The following DDX5 variants were observed in gnomAD, a reference collection of about 807,000 sequenced individuals.
DDX5 encodes the protein DEAD-box helicase 5.
Under a neutral mutation model 68.6 loss-of-function variants are expected in DDX5, and 6 were observed. The observed-to-expected ratio is 0.09, with a 90% CI of 0.05 to 0.17. The LOEUF (loss-of-function observed/expected upper bound fraction) is 0.17. Among genes scored for constraint, DDX5 ranks in the 10% least tolerant of loss-of-function variants. The pLI, the probability that DDX5 is intolerant of heterozygous loss-of-function variation, is 1.00. For synonymous variants in DDX5, 350 were observed against 247.0 expected, an observed-to-expected ratio of 1.42 and a Z score of -3.91; for missense variants, 499 against 756.1, an observed-to-expected ratio of 0.66 and a Z score of 3.99.
intron 1 of DDX5, chr17:64,505,707 T>C: frequency 6.5e-7 from 1 of 1,531,658 alleles, no homozygotes; most frequent in South Asian, 1.2e-5. Context: ...TCCCACAGAA[T>C]GCCCGGCCAC....
upstream of DDX5, chr17:64,506,475 A>G (rs2038532032): frequency 8.8e-7 from 1 of 1,133,482 alleles, no homozygotes; most frequent in Non-Finnish European, 1.2e-6. Context: ...GGGCCCACCC[A>G]CCATTGGAAT....
At position 64,504,251 on chromosome 17, in the gene DDX5, A is replaced by G. The variant is rs1555671678; in HGVS notation, c.278T>C (p.Val93Ala). ...GAAATTGGCTTCATAAAAATTTAGA[A>G]CTGGCTTCGGGCAGTTGTGACCTCT... Reference protein sequence around the residue: ...TVRGHNCPKPVLNFYEANFPA... With the variant: ...TVRGHNCPKPALNFYEANFPA... The change falls in exon 3 of 13, where the codon GTT (valine) becomes GCT (alanine). Residue 93 changes from valine (V) to alanine (A), a missense_variant. Around this residue, in one of 5 missense-constraint regions of DDX5, gnomAD observed 140 missense variants for 135.7 expected, o/e 1.03. Transcript: ENST00000225792. 1 of 1,614,124 alleles carries G rather than the reference A, an allele frequency of 6.2e-7. No homozygotes were observed. Among genetic ancestry groups the G allele is most frequent in the Admixed American group, 1.7e-5 (1 of 60,026 alleles).
At chr17:64,503,633 T>C (rs1411968066) in intron 5 of DDX5, 62 bp from the exon 6 acceptor site, 4 of 1,594,104 alleles carry the variant, frequency 2.5e-6, no homozygotes, top group Middle Eastern at 1.7e-4. Context: ...TGCTAACTTA[T>C]TATACTAGCA....
intron 3 of DDX5, 30 bp from the exon 4 acceptor site, chr17:64,504,146 A>G (rs782084601): frequency 6.2e-7 from 1 of 1,613,724 alleles, no homozygotes; most frequent in Non-Finnish European, 8.5e-7. Context: ...TTTAGTAAAA[A>G]TTAGTGATGC....
At position 64,503,550 on chromosome 17, in the gene DDX5, G is replaced by T. The variant is rs781911257; in HGVS notation, c.529C>A (p.Arg177=). ...GPICLVLAPT[R]ELAQQVQQVA... ...TGCTGCACCTGTTGGGCCAGTTCCC[G>T]AGTTGGTGCCAGCACCAAACACTAA... Residue 177 remains arginine (R), a synonymous_variant, in exon 6 of 13, where the codon CGG becomes AGG. Coordinates refer to ENST00000225792, the MANE Select transcript of DDX5 (RefSeq NM_004396.5). 4 of 1,614,134 alleles carry T rather than the reference G, an allele frequency of 2.5e-6. No individual in the cohort carries two copies. The East Asian group carries it at 8.9e-5, about 36-fold the overall frequency.
In DDX5 at chr17:64,503,316, G is replaced by A; in HGVS notation, c.682C>T (p.Leu228=). Reference sequence around the variant, plus strand: ...TTTCCACACTCTAAAAAGTCAATCAGTCTTCCAGGTGTTGCAATACAGATT... The same window carrying A: ...TTTCCACACTCTAAAAAGTCAATCAATCTTCCAGGTGTTGCAATACAGATT... ...VEICIATPGR[L]IDFLECGKTN... Residue 228 remains leucine, a synonymous_variant, in exon 7 of 13, where the codon CTG becomes TTG. Coordinates refer to ENST00000225792, the MANE Select transcript of DDX5 (RefSeq NM_004396.5). 1 of 1,614,202 alleles carries A rather than the reference G, an allele frequency of 6.2e-7. No individual in the cohort carries two copies. Among genetic ancestry groups the A allele is most frequent in the Non-Finnish European group, 8.5e-7 (1 of 1,180,030 alleles).
chr17:64,506,019 G>GGGGCCCC, intron 1 of DDX5, 57 bp downstream of exon 1: 3 of 1,360,424 alleles, frequency 2.2e-6, no homozygotes, highest in Non-Finnish European at 3.0e-6. Context: ...CCGCCACCCT[G>GGGGCCCC]ACCCGCCCTC....
chr17:64,501,102 T>TA (rs1328071257), intron 11 of DDX5: 27 of 318,298 alleles, frequency 8.5e-5, no homozygotes, highest in African/African-American at 3.0e-4. Context: ...TAGGGCCACT[T>TA]AAAGTTTCAC....
intron 1 of DDX5, chr17:64,505,845 C>G: frequency 6.5e-7 from 1 of 1,536,084 alleles, no homozygotes; most frequent in East Asian, 2.4e-5. Flanking sequence ...GCAGCCGCCC[C>G]GACAGCTCCC....
chr17:64,500,860 T>C (rs1555670971), intron 11 of DDX5, 87 bp from the exon 12 acceptor site: 2 of 967,514 alleles, frequency 2.1e-6, no homozygotes, highest in African/African-American at 1.6e-5. Context: ...AGTTAGACAA[T>C]TGTATTCCCA....
chr17:64,498,706 A>C lies in DDX5; in HGVS notation c.*1217T>G, dbSNP rs1028832457. On this transcript the variant is annotated 3_prime_UTR_variant, in exon 13 of 13. Coordinates refer to ENST00000225792, the MANE Select transcript of DDX5 (RefSeq NM_004396.5). ...TGAAGACCTCTCTTCTGGCAAAAAA[A>C]AACACGTATCAGACTCTGGGAAAAC... 1.1e-4 allele frequency among the ~76,000 whole-genome samples: 17 copies of C among 152,308 alleles called. 1 individual carries two copies. The highest frequency in any genetic ancestry group is 5.2e-4 in the Admixed American group (8 of 15,300).
intron 10 of DDX5, 22 bp from the exon 11 acceptor site, chr17:64,502,091 T>C (rs782233156): frequency 4.3e-6 from 7 of 1,613,884 alleles, no homozygotes; most frequent in Admixed American, 1.7e-5. Context: ...GGCATATACA[T>C]GATCAATTAT....
intron 1 of DDX5, chr17:64,505,804 CCCTCT>C (rs2144285095): frequency 1.3e-6 from 2 of 1,536,156 alleles, no homozygotes; most frequent in East Asian, 4.9e-5. Context: ...ACAATACGCT[CCCTCT>C]CAACTCCCTC....
chr17:64,498,850 A>C lies in DDX5; in HGVS notation c.*1073T>G, dbSNP rs1160268411. Among the ~76,000 whole-genome samples, 2 of 152,238 alleles carry C rather than the reference A, an allele frequency of 1.3e-5. No individual in the cohort carries two copies. Among genetic ancestry groups the C allele is most frequent in the African/African-American group, 2.4e-5 (1 of 41,470 alleles). On this transcript the variant is annotated 3_prime_UTR_variant, in exon 13 of 13. Transcript: ENST00000225792. ...CTAGCAATAAACCCATGTTGAACCT[A>C]CCATGAAAACTTTCATTCACTGTGC...
rs782488375 is a variant in DDX5 at position 64,502,562 on chromosome 17, G to C, written c.984-13C>G. 1 of 1,573,360 alleles carries C rather than the reference G, an allele frequency of 6.4e-7. No individual in the cohort carries two copies. Among genetic ancestry groups the C allele is most frequent in the African/African-American group, 1.4e-5 (1 of 73,926 alleles). ...TAGACGAATAAGTCTAATAATAGGA[G>C]AGAGAAAGGAAAAATCCTGAGTTTT... On this transcript the variant is annotated splice_polypyrimidine_tract_variant and intron_variant, in intron 8 of 12. Transcript: ENST00000225792.
In DDX5 at chr17:64,503,769, T is replaced by C. The variant is rs550020675; in HGVS notation, c.507+34A>G. 8.8e-6 allele frequency: 14 copies of C among 1,594,528 alleles called. No homozygotes were observed. The South Asian group carries it at 1.4e-4, about 15-fold the overall frequency. On this transcript the variant is annotated intron_variant, in intron 5 of 12. Coordinates refer to ENST00000225792, the MANE Select transcript of DDX5 (RefSeq NM_004396.5). ...TATGTAGTCTAAAATCTACACATTATGCTTCTAATAAAAAGTTAAAAATAT... is the reference window on the plus strand; with the variant it reads ...TATGTAGTCTAAAATCTACACATTACGCTTCTAATAAAAAGTTAAAAATAT...
chr17:64,506,350 G>A (rs1479254218), upstream of DDX5: 2 of 1,450,856 alleles, frequency 1.4e-6, no homozygotes, highest in African/African-American at 1.4e-5. Flanking sequence ...CGCAGGGAAC[G>A]CTGGGAGCCG....
In DDX5 at chr17:64,499,442, G is replaced by A. The variant is rs1349203651; in HGVS notation, c.*481C>T. On this transcript the variant is annotated 3_prime_UTR_variant, in exon 13 of 13. Transcript: ENST00000225792. The stretch of plus-strand genomic sequence containing the variant: ...CAATTCATTCTGACTCCTGCAATAT[G>A]AATAGCTCATTATAAAGAAGGGCCT... 1.3e-5 allele frequency among the ~76,000 whole-genome samples: 2 copies of A among 150,970 alleles called. No homozygotes were observed. The highest frequency in any genetic ancestry group is 2.9e-5 in the Non-Finnish European group (2 of 67,896).
rs1438819695 is a variant in DDX5 at position 64,498,716 on chromosome 17, C to CA, written c.*1206dup. ...TCTTCTGGCAAAAAAAAACACGTATCAGACTCTGGGAAAACATTCAGACCC... is the reference window on the plus strand; with the variant it reads ...TCTTCTGGCAAAAAAAAACACGTATCAAGACTCTGGGAAAACATTCAGACCC... On this transcript the variant is annotated 3_prime_UTR_variant, in exon 13 of 13. Transcript: ENST00000225792. Among the ~76,000 whole-genome samples the CA allele has an allele frequency of 6.6e-6, 1 of 152,100 alleles. No homozygotes were observed. Among genetic ancestry groups the CA allele is most frequent in the African/African-American group, 2.4e-5 (1 of 41,404 alleles).
Sources: allele counts gnomAD v4.1 joint callset (sites outside exome capture counted in the v4.1 genomes callset), GRCh38; gene constraint gnomAD v4.1.1; regional missense constraint gnomAD v4.1.1; transcripts MANE v1.5; gene names NCBI Gene and HGNC (gene_info 2026-07-23, HGNC 2026-07-21).